DACT3: variants seen among roughly 807,000 people sequenced by gnomAD.
The protein encoded by DACT3 is dishevelled binding antagonist of beta catenin 3.
A neutral mutation model predicts 19.6 loss-of-function variants in DACT3; 5 were observed. That is an observed-to-expected ratio of 0.26 (90% CI 0.13 to 0.54). The LOEUF (loss-of-function observed/expected upper bound fraction) is 0.54. DACT3 is among the 20% of genes least tolerant of loss of function. DACT3 has a pLI of 0.95. For missense variants in DACT3, 908 were observed against 927.4 expected, an observed-to-expected ratio of 0.98 and a Z score of 0.27; for synonymous variants, 454 against 428.1, an observed-to-expected ratio of 1.06 and a Z score of -0.75.
chr19:46,660,989 C>T lies in DACT3; in HGVS notation c.76G>A (p.Gly26Arg). 2 of 1,538,654 alleles carry T rather than the reference C, an allele frequency of 1.3e-6. No homozygotes were observed. The highest frequency in any genetic ancestry group is 1.7e-6 in the Non-Finnish European group (2 of 1,145,576). Reference protein sequence around the residue: ...LRGWLEGSLAGLCELHWLRER... With the variant: ...LRGWLEGSLARLCELHWLRER... ...CGGAGCCAATGTAACTCGCAGAGCC[C>T]GGCCAGGCTACCCTCCAGCCAGCCC... The change falls in exon 1 of 4, where the codon GGG becomes AGG. Residue 26 changes from glycine to arginine, a missense_variant. Around this residue, in one of 2 missense-constraint regions of DACT3, gnomAD observed 252 missense variants for 325.6 expected, o/e 0.77. Coordinates refer to ENST00000391916, the MANE Select transcript of DACT3 (RefSeq NM_145056.3). This position sits in a 1 kb window ranked among gnomAD's most constrained non-coding sequence, Gnocchi z 4.9.
In DACT3 at chr19:46,648,024, G is replaced by T. The variant is rs141037337; in HGVS notation, c.*458C>A. ...CCAAGGGGATATCTTAAGGGTCCAG[G>T]GACATGGAGGGGGCACTTTGTGAAT... On this transcript the variant is annotated 3_prime_UTR_variant, in exon 4 of 4. Transcript: ENST00000391916. This position sits in a 1 kb window ranked among gnomAD's most constrained non-coding sequence, Gnocchi z 5.1. 114 of 177,936 alleles carry T rather than the reference G, an allele frequency of 6.4e-4. No individual in the cohort carries two copies. Among genetic ancestry groups the T allele is most frequent in the Non-Finnish European group, 1.1e-3 (90 of 83,148 alleles). 11.0% of individuals were successfully genotyped at this position (177,936 alleles called of 1,614,324 possible). A position where few individuals can be genotyped will look rare whatever the true frequency, so the allele number is the denominator to read the frequency against.
At chr19:46,649,919 G>A (rs2052966162) in intron 3 of DACT3, 47 bp from the exon 4 acceptor site, 1 of 1,327,486 alleles carries the variant, frequency 7.5e-7, no homozygotes, top group South Asian at 1.8e-5. Flanking sequence ...GAGTGGAGGG[G>A]CTCTCAAAGT....
Position 46,648,905 on chromosome 19 carries a change from G to A in DACT3, c.1467C>T (p.Arg489=), listed in dbSNP as rs1009260109. Residue 489 remains arginine, a synonymous_variant, in exon 4 of 4, where the codon CGC becomes CGT. Coordinates refer to ENST00000391916, the MANE Select transcript of DACT3 (RefSeq NM_145056.3). This position sits in a 1 kb window ranked among gnomAD's most constrained non-coding sequence, Gnocchi z 5.1. Reference sequence around the variant, plus strand: ...GCGCCGCAGGGGCTCGGGGCCGCACGCGGCGCCCATCGGCAGCGTCGATCT... The same window carrying A: ...GCGCCGCAGGGGCTCGGGGCCGCACACGGCGCCCATCGGCAGCGTCGATCT... ...TAEIDAADGR[R]VRPRAPAARV... The A allele has an allele frequency of 5.9e-6, 8 of 1,360,774 alleles. No individual in the cohort carries two copies. Among genetic ancestry groups the A allele is most frequent in the Non-Finnish European group, 5.6e-6 (6 of 1,064,852 alleles). The allele number at this position is 1,360,774 out of a possible 1,614,324, so 84.3% of individuals were successfully genotyped here. A position where few individuals can be genotyped will look rare whatever the true frequency, so the allele number is the denominator to read the frequency against.
chr19:46,648,969 T>C lies in DACT3; in HGVS notation c.1403A>G (p.Gln468Arg). The change falls in exon 4 of 4, where the codon CAG (glutamine) becomes CGG (arginine). Residue 468 changes from glutamine (Q) to arginine (R), a missense_variant. By Grantham distance (43) the Gln-to-Arg change is conservative. Coordinates refer to ENST00000391916, the MANE Select transcript of DACT3 (RefSeq NM_145056.3). This position sits in a 1 kb window ranked among gnomAD's most constrained non-coding sequence, Gnocchi z 5.1. ...CCAGCGACGGCAGGACCCTGCGGCC[T>C]GGGCCGCCAGCGTGGGCGCTGGGCC... ...RRGPAPTLAA[Q>R]AAGSCRRWRS... 7.7e-7 allele frequency: 1 copy of C among 1,294,168 alleles called. No individual in the cohort carries two copies. Among genetic ancestry groups the C allele is most frequent in the South Asian group, 2.3e-5 (1 of 43,940 alleles). The allele number at this position is 1,294,168 out of a possible 1,614,324, so 80.2% of individuals were successfully genotyped here. A position where few individuals can be genotyped will look rare whatever the true frequency, so the allele number is the denominator to read the frequency against.
Position 46,649,464 on chromosome 19 carries a change from C to A in DACT3, c.908G>T (p.Arg303Leu). Residue 303 changes from arginine (R) to leucine (L), a missense_variant, in exon 4 of 4, where the codon CGG (arginine) becomes CTG (leucine). This residue lies in a region of DACT3 where 656 missense variants were observed against 601.8 expected (regional missense o/e 1.09). Coordinates refer to ENST00000391916, the MANE Select transcript of DACT3 (RefSeq NM_145056.3). ...SPSPGSARPA[R>L]EPSLERVGGH... Reference sequence around the variant, plus strand: ...CCCGACGCGCTCCAACGAGGGCTCCCGCGCGGGTCGCGCGCTGCCGGGGGA... The same window carrying A: ...CCCGACGCGCTCCAACGAGGGCTCCAGCGCGGGTCGCGCGCTGCCGGGGGA... 8.5e-7 allele frequency: 1 copy of A among 1,170,304 alleles called. No individual in the cohort carries two copies. Among genetic ancestry groups the A allele is most frequent in the South Asian group, 3.2e-5 (1 of 30,914 alleles). The allele number at this position is 1,170,304 out of a possible 1,614,324, so 72.5% of individuals were successfully genotyped here.
At chr19:46,653,179 G>C in intron 1 of DACT3, 104 bp from the exon 2 acceptor site, 1 of 1,475,708 alleles carries the variant, frequency 6.8e-7, no homozygotes, top group Non-Finnish European at 9.0e-7. Flanking sequence ...TGACAATGAG[G>C]CTCTCGCTTC....
Position 46,648,854 on chromosome 19 carries a change from C to T in DACT3, c.1518G>A (p.Pro506=), listed in dbSNP as rs940338091. Residue 506 remains proline, a synonymous_variant, in exon 4 of 4, where the codon CCG becomes CCA. Coordinates refer to ENST00000391916, the MANE Select transcript of DACT3 (RefSeq NM_145056.3). The surrounding 1 kb of genome is among the most constrained non-coding windows in gnomAD (Gnocchi z 5.1). The part of the protein sequence containing the change: ...AARVPGPGPS[P]SAPQRRLLYG... ...AAAGCAGACGACGCTGGGGAGCTGA[C>T]GGGGACGGGCCGGGGCCGGGAACAC... 6 of 1,456,338 alleles carry T rather than the reference C, an allele frequency of 4.1e-6. No homozygotes were observed. Among genetic ancestry groups the T allele is most frequent in the African/African-American group, 3.0e-5 (2 of 67,484 alleles). 90.2% of individuals were successfully genotyped at this position (1,456,338 alleles called of 1,614,324 possible).
At position 46,650,732 on chromosome 19, in the gene DACT3, T is replaced by C. The variant is rs2052975879; in HGVS notation, c.500-860A>G. 2 of 152,258 alleles carry C rather than the reference T, an allele frequency of 1.3e-5. 1 individual carries two copies. Among genetic ancestry groups the C allele is most frequent in the Middle Eastern group, 6.8e-3 (2 of 294 alleles). 9.4% of individuals were successfully genotyped at this position (152,258 alleles called of 1,614,324 possible). On this transcript the variant is annotated intron_variant, in intron 3 of 3. Transcript: ENST00000391916. The stretch of plus-strand genomic sequence containing the variant: ...TGAGCTGACCCTTCTCCTCTACTTA[T>C]AGGACTCCAGCCACACTGGCCTCCT...
chr19:46,659,302 G>C (rs912206750), intron 1 of DACT3: 1 of 970,558 alleles, frequency 1.0e-6, no homozygotes, highest in Non-Finnish European at 1.2e-6. Context: ...CTGAGGGGGA[G>C]GAGGGGACAG....
intron 1 of DACT3, chr19:46,655,074 C>G: frequency 1.0e-6 from 1 of 985,292 alleles, no homozygotes; most frequent in East Asian, 1.1e-4. Flanking sequence ...ATGTCACGTC[C>G]GTCACAAATC....
intron 1 of DACT3, chr19:46,653,931 C>T: frequency 7.2e-6 from 7 of 969,106 alleles, no homozygotes; most frequent in Non-Finnish European, 8.6e-6. Context: ...TGTGAGTCTT[C>T]CTTAAGTCCT....
rs1406098827 is a variant in DACT3 at position 46,649,433 on chromosome 19, G to T, written c.939C>A (p.His313Gln). The change falls in exon 4 of 4, where the codon CAC (histidine) becomes CAA (glutamine). Residue 313 changes from histidine to glutamine, a missense_variant. His to Gln is a conservative substitution (Grantham distance 24, BLOSUM62 0). Coordinates refer to ENST00000391916, the MANE Select transcript of DACT3 (RefSeq NM_145056.3). ...GGCTCAAGGCGGCAGGGCTGGTGGG[G>T]TGGCCCCCGACGCGCTCCAACGAGG... Reference protein sequence around the residue: ...REPSLERVGGHPTSPAALSRA... With the variant: ...REPSLERVGGQPTSPAALSRA... The T allele has an allele frequency of 3.2e-6, 4 of 1,258,238 alleles. No homozygotes were observed. The highest frequency in any genetic ancestry group is 3.6e-5 in the Admixed American group (1 of 28,110). 77.9% of individuals were successfully genotyped at this position (1,258,238 alleles called of 1,614,324 possible).
intron 2 of DACT3, 83 bp from the exon 3 acceptor site, chr19:46,652,895 G>C (rs916010387): frequency 2.6e-6 from 4 of 1,540,572 alleles, no homozygotes; most frequent in Non-Finnish European, 3.5e-6. Flanking sequence ...ATGGCGTGGG[G>C]AGAGACACAG....
Position 46,648,362 on chromosome 19 carries a change from A to AT in DACT3, c.*119_*120insA. ...AAGACTGTTAGGAGTGGGGAGAGTG[A>AT]GGGGGGTCTTTGGAAGCAGAGAAAA... On this transcript the variant is annotated 3_prime_UTR_variant, in exon 4 of 4. Transcript: ENST00000391916. This position sits in a 1 kb window ranked among gnomAD's most constrained non-coding sequence, Gnocchi z 5.1. The AT allele has an allele frequency of 6.8e-7, 1 of 1,480,888 alleles. No individual in the cohort carries two copies. The highest frequency in any genetic ancestry group is 9.2e-7 in the Non-Finnish European group (1 of 1,088,020). The allele number at this position is 1,480,888 out of a possible 1,614,324, so 91.7% of individuals were successfully genotyped here.
chr19:46,659,057 G>T (rs932445038), intron 1 of DACT3: 2 of 980,332 alleles, frequency 2.0e-6, no homozygotes, highest in Non-Finnish European at 2.4e-6. Context: ...GGCTGGGGGT[G>T]GGGGGATAAG....
Position 46,649,808 on chromosome 19 carries a change from T to G in DACT3, c.564A>C (p.Ser188=). 1 of 1,402,614 alleles carries G rather than the reference T, an allele frequency of 7.1e-7. No individual in the cohort carries two copies. The highest frequency in any genetic ancestry group is 9.2e-7 in the Non-Finnish European group (1 of 1,084,142). The allele number at this position is 1,402,614 out of a possible 1,614,324, so 86.9% of individuals were successfully genotyped here. A position where few individuals can be genotyped will look rare whatever the true frequency, so the allele number is the denominator to read the frequency against. ...ACCCCCCTGCCGTCGGGTAGGGCGCTGAGAAGGACCGCGGCACCGCTGCCC... is the reference window on the plus strand; with the variant it reads ...ACCCCCCTGCCGTCGGGTAGGGCGCGGAGAAGGACCGCGGCACCGCTGCCC... The part of the protein sequence containing the change: ...GARAAVPRSF[S]APYPTAGGSA... The change falls in exon 4 of 4, where the codon TCA becomes TCC. Residue 188 remains serine, a synonymous_variant. Coordinates refer to ENST00000391916, the MANE Select transcript of DACT3 (RefSeq NM_145056.3).
At chr19:46,655,921 CTCTCTATATA>C (rs1485852563) in intron 1 of DACT3, among the ~76,000 whole-genome samples, 3 of 108,642 alleles carry the variant, frequency 2.8e-5, no homozygotes, top group African/African-American at 8.5e-5. Context: ...CTCTCTCTCT[CTCTCTATATA>C]TATATATATA....
rs1314813210 is a variant in DACT3, at chr19:46,648,917, G to A, written c.1455C>T (p.Ala485=). The A allele has an allele frequency of 2.2e-6, 3 of 1,358,828 alleles. No homozygotes were observed. The African/African-American group carries it at 4.6e-5, about 21-fold the overall frequency. The allele number at this position is 1,358,828 out of a possible 1,614,324, so 84.2% of individuals were successfully genotyped here. A position where few individuals can be genotyped will look rare whatever the true frequency, so the allele number is the denominator to read the frequency against. ...CTCGGGGCCGCACGCGGCGCCCATCGGCAGCGTCGATCTCCGCAGTGGAGC... is the reference window on the plus strand; with the variant it reads ...CTCGGGGCCGCACGCGGCGCCCATCAGCAGCGTCGATCTCCGCAGTGGAGC... ...RWRSTAEIDA[A]DGRRVRPRAP... is the part of the protein sequence containing the mutation. Residue 485 remains alanine (A), a synonymous_variant, in exon 4 of 4, where the codon GCC becomes GCT. Coordinates refer to ENST00000391916, the MANE Select transcript of DACT3 (RefSeq NM_145056.3). The surrounding 1 kb of genome is among the most constrained non-coding windows in gnomAD (Gnocchi z 5.1).
At chr19:46,659,300 G>A (rs950550007) in intron 1 of DACT3, 14 of 972,192 alleles carry the variant, frequency 1.4e-5, no homozygotes, top group Non-Finnish European at 1.7e-5. Flanking sequence ...GGCTGAGGGG[G>A]AGGAGGGGAC....
Sources: allele counts gnomAD v4.1 joint callset (sites outside exome capture counted in the v4.1 genomes callset), GRCh38; gene constraint gnomAD v4.1.1; regional missense constraint gnomAD v4.1.1; non-coding constraint Gnocchi (gnomAD v3.1); transcripts MANE v1.5; gene names NCBI Gene and HGNC (gene_info 2026-07-23, HGNC 2026-07-21).